Variants in KCNIP4 observed in about 807,000 individuals in gnomAD.
The protein encoded by KCNIP4 is potassium voltage-gated channel interacting protein 4.
A neutral mutation model predicts 34.0 loss-of-function variants in KCNIP4; 12 were observed. That is an observed-to-expected ratio of 0.35 (90% CI 0.23 to 0.57). KCNIP4 has a LOEUF of 0.57. KCNIP4 is among the 20% of genes least tolerant of loss of function. KCNIP4 has a pLI of 0.83. For synonymous variants in KCNIP4, 124 were observed against 102.2 expected (o/e 1.21, Z -1.29); for missense variants, 238 against 311.7 (o/e 0.76, Z 1.78).
chr4:21,286,165 C>G (rs1763108257), intron 1 of KCNIP4, among the ~76,000 whole-genome samples: 1 of 152,142 alleles, frequency 6.6e-6, no homozygotes, highest in African/African-American at 2.4e-5. Context: ...TGAATGCCAG[C>G]CTCACAGCTA....
At chr4:20,737,638 C>T (rs1218591051) in intron 5 of KCNIP4, among the ~76,000 whole-genome samples, 4 of 152,068 alleles carry the variant, frequency 2.6e-5, no homozygotes, top group African/African-American at 9.7e-5. Flanking sequence ...AGTGAGGAGC[C>T]TGGTAGAAGA....
At chr4:21,845,238 A>G (rs1238735335) in intron 1 of KCNIP4, 3 of 152,100 alleles carry the variant, frequency 2.0e-5, no homozygotes, top group South Asian at 2.1e-4. Context: ...AGGTTATACA[A>G]TCTTTACCAC....
At chr4:21,443,530 A>G (rs757776030) in intron 1 of KCNIP4, among the ~76,000 whole-genome samples, 4 of 152,214 alleles carry the variant, frequency 2.6e-5, no homozygotes, top group African/African-American at 4.8e-5. Context: ...GACTATACCC[A>G]ATCAATTGAA....
chr4:21,189,965 A>C (rs944088567), intron 1 of KCNIP4, among the ~76,000 whole-genome samples: 4 of 152,222 alleles, frequency 2.6e-5, no homozygotes, highest in Admixed American at 6.5e-5. Flanking sequence ...CATCCCTTAT[A>C]CAGTAGATAA....
chr4:21,655,240 A>G (rs747008998), intron 1 of KCNIP4, among the ~76,000 whole-genome samples: 7 of 152,154 alleles, frequency 4.6e-5, no homozygotes, highest in Non-Finnish European at 1.0e-4. Context: ...AAGCCCTAGA[A>G]GTGCTGACCA....
intron 1 of KCNIP4, among the ~76,000 whole-genome samples, chr4:21,065,898 A>T (rs1744341392): frequency 6.6e-6 from 1 of 151,676 alleles, no homozygotes; most frequent in African/African-American, 2.4e-5. Flanking sequence ...AAGAATAATG[A>T]TTTATTTTAA....
chr4:21,138,907 G>A (rs1413689735), intron 1 of KCNIP4, among the ~76,000 whole-genome samples: 1 of 152,168 alleles, frequency 6.6e-6, no homozygotes, highest in Non-Finnish European at 1.5e-5. Flanking sequence ...AGAGTCTCCA[G>A]AAAGAAACAC....
At chr4:21,538,274 C>A (rs1373824784) in intron 1 of KCNIP4, among the ~76,000 whole-genome samples, 1 of 152,070 alleles carries the variant, frequency 6.6e-6, no homozygotes, top group Non-Finnish European at 1.5e-5. Context: ...TAGTAAATTT[C>A]TATTGTTTTA....
intron 1 of KCNIP4, among the ~76,000 whole-genome samples, chr4:21,779,448 A>C (rs1032227955): frequency 2.0e-5 from 3 of 152,200 alleles, no homozygotes; most frequent in African/African-American, 7.2e-5. Context: ...TCTTATCAAA[A>C]AATGATAAGT....
At chr4:21,621,088 G>A (rs1399835241) in intron 1 of KCNIP4, among the ~76,000 whole-genome samples, 1 of 152,162 alleles carries the variant, frequency 6.6e-6, no homozygotes, top group Non-Finnish European at 1.5e-5. Context: ...TGCCTACAAT[G>A]GATGTGAAGT....
chr4:21,359,807 C>T (rs1223296516), intron 1 of KCNIP4, among the ~76,000 whole-genome samples: 1 of 152,046 alleles, frequency 6.6e-6, no homozygotes, highest in Non-Finnish European at 1.5e-5. Context: ...TGAGGTCAAA[C>T]ATTTCTTGGA....
At chr4:21,411,132 A>G (rs1432274289) in intron 1 of KCNIP4, among the ~76,000 whole-genome samples, 2 of 152,178 alleles carry the variant, frequency 1.3e-5, no homozygotes, top group Non-Finnish European at 2.9e-5. Context: ...AAAAATTTTT[A>G]GGTGCTTAGG....
intron 1 of KCNIP4, among the ~76,000 whole-genome samples, chr4:21,501,838 T>C (rs550638370): frequency 1.5e-3 from 227 of 152,144 alleles, no homozygotes; most frequent in Middle Eastern, 0.014. Context: ...AACCTCCTTT[T>C]TTATATATCT....
At chr4:21,909,374 T>G (rs2108979547) in intron 1 of KCNIP4, among the ~76,000 whole-genome samples, 1 of 152,208 alleles carries the variant, frequency 6.6e-6, no homozygotes, top group African/African-American at 2.4e-5. Flanking sequence ...CATCTTTACT[T>G]AAGGGTCTCC....
At chr4:20,829,821 C>T (rs12649167) in intron 3 of KCNIP4, among the ~76,000 whole-genome samples, 28,624 of 151,892 alleles carry the variant, frequency 0.19, 2,878 homozygotes, top group South Asian at 0.39. Context: ...CTTGTCCTTT[C>T]GGTGATCTCA....
chr4:21,135,231 A>C (rs1451406572), intron 1 of KCNIP4, among the ~76,000 whole-genome samples: 1 of 152,242 alleles, frequency 6.6e-6, no homozygotes, highest in African/African-American at 2.4e-5. Flanking sequence ...AATTAAGATG[A>C]GCAGAGGTGT....
intron 6 of KCNIP4, 139 bp from the exon 7 acceptor site, chr4:20,732,924 T>C: frequency 1.7e-6 from 1 of 588,506 alleles, no homozygotes; most frequent in Non-Finnish European, 3.0e-6. Flanking sequence ...CGACTGTTGG[T>C]TGTCCCAAAG....
At chr4:20,933,237 C>G (rs1730670574) in intron 1 of KCNIP4, among the ~76,000 whole-genome samples, 1 of 151,816 alleles carries the variant, frequency 6.6e-6, no homozygotes, top group Non-Finnish European at 1.5e-5. Context: ...GAATGAGACT[C>G]TGTCTCAAAA....
At chr4:20,968,980 C>T (rs368248947) in intron 1 of KCNIP4, among the ~76,000 whole-genome samples, 1 of 152,090 alleles carries the variant, frequency 6.6e-6, no homozygotes, top group East Asian at 1.9e-4. Flanking sequence ...TGCCTCCCTG[C>T]TATTTAAATT....
Sources: allele counts gnomAD v4.1 joint callset (sites outside exome capture counted in the v4.1 genomes callset), GRCh38; gene constraint gnomAD v4.1.1; transcripts MANE v1.5; gene names NCBI Gene and HGNC (gene_info 2026-07-23, HGNC 2026-07-21).